Variants in DGKI observed in about 807,000 individuals in gnomAD.
The protein encoded by DGKI is DAG kinase iota.
A neutral mutation model predicts 147.5 loss-of-function variants in DGKI; 55 were observed. The observed-to-expected ratio is 0.37, with a 90% confidence interval of 0.30 to 0.47. The LOEUF is 0.47. DGKI is among the 20% of genes least tolerant of loss of function. The pLI, the probability that DGKI is intolerant of heterozygous loss-of-function variation, is 1.00. For missense variants in DGKI, 1,007 were observed against 1,323.8 expected, an observed-to-expected ratio of 0.76 and a Z score of 3.71; for synonymous variants, 469 against 477.1, an observed-to-expected ratio of 0.98 and a Z score of 0.22.
chr7:137,668,136 A>G (rs2116332711), intron 3 of DGKI, among the ~76,000 whole-genome samples: 1 of 152,284 alleles, frequency 6.6e-6, no homozygotes, highest in Admixed American at 6.5e-5. Context: ...AACCTGGGGG[A>G]CCAAGACTGA....
At chr7:137,460,039 T>G (rs1814372015) in intron 27 of DGKI, among the ~76,000 whole-genome samples, 1 of 152,216 alleles carries the variant, frequency 6.6e-6, no homozygotes, top group South Asian at 2.1e-4. Flanking sequence ...AATTGAAAGT[T>G]TCTCTTTTGA....
chr7:137,384,584 C>A lies in DGKI; in HGVS notation c.*6636G>T, dbSNP rs1341134418. 1 of 152,034 alleles carries A rather than the reference C, an allele frequency of 6.6e-6. No homozygotes were observed. The highest frequency in any genetic ancestry group is 1.5e-5 in the Non-Finnish European group (1 of 67,966). 9.4% of individuals were successfully genotyped at this position (152,034 alleles called of 1,614,324 possible). ...GAATCTGCACAGGCTGAATTCACTGCTCTGAGATTCAGTGCATTCATCTAA... is the reference window on the plus strand; with the variant it reads ...GAATCTGCACAGGCTGAATTCACTGATCTGAGATTCAGTGCATTCATCTAA... On this transcript the variant is annotated 3_prime_UTR_variant, in exon 33 of 33. Coordinates refer to ENST00000614521, the MANE Select transcript of DGKI (RefSeq NM_001321708.2).
intron 8 of DGKI, among the ~76,000 whole-genome samples, chr7:137,615,847 A>C (rs1365858761): frequency 6.6e-6 from 1 of 152,112 alleles, no homozygotes; most frequent in African/African-American, 2.4e-5. Flanking sequence ...TTTCAATAGA[A>C]GAGTTTAATT....
At chr7:137,515,674 A>G (rs1455106096) in intron 21 of DGKI, among the ~76,000 whole-genome samples, 4 of 152,152 alleles carry the variant, frequency 2.6e-5, no homozygotes, top group Non-Finnish European at 5.9e-5. Flanking sequence ...AGCCCCTTAG[A>G]CTGTCTGAGT....
intron 29 of DGKI, among the ~76,000 whole-genome samples, chr7:137,411,205 G>A (rs1248480242): frequency 6.6e-6 from 1 of 152,212 alleles, no homozygotes; most frequent in Non-Finnish European, 1.5e-5. Context: ...CCTTCAGGCA[G>A]CTGTCATTAA....
At chr7:137,641,882 G>C (rs2129006861) in intron 6 of DGKI, among the ~76,000 whole-genome samples, 1 of 152,316 alleles carries the variant, frequency 6.6e-6, no homozygotes, top group Admixed American at 6.5e-5. Flanking sequence ...ATAATGCTAG[G>C]TTTGGATGTT....
At chr7:137,665,404 C>A (rs1822599948) in intron 3 of DGKI, among the ~76,000 whole-genome samples, 1 of 152,162 alleles carries the variant, frequency 6.6e-6, no homozygotes, top group Non-Finnish European at 1.5e-5. Flanking sequence ...GGGCTTCAAT[C>A]CTACCCCTTG....
chr7:137,627,290 A>C (rs775571946), intron 6 of DGKI, among the ~76,000 whole-genome samples: 2 of 152,158 alleles, frequency 1.3e-5, no homozygotes, highest in Non-Finnish European at 2.9e-5. Flanking sequence ...TAGCTGCCCT[A>C]TGTGGCTGGT....
chr7:137,689,853 A>T, intron 2 of DGKI, 41 bp downstream of exon 2: 1 of 1,322,308 alleles, frequency 7.6e-7, no homozygotes, highest in East Asian at 2.6e-5. Flanking sequence ...GACACAAAAC[A>T]TGCACTGAAG....
In DGKI at chr7:137,745,781, GA is replaced by G. The variant is rs756057426; in HGVS notation, c.402-55780del. 7.8e-4 allele frequency among the ~76,000 whole-genome samples: 117 copies of G among 150,692 alleles called. 6 individuals are homozygous for G. The highest frequency in any genetic ancestry group is 1.7e-3 in the South Asian group (8 of 4,748). On this transcript the variant is annotated intron_variant, in intron 1 of 32. Coordinates refer to ENST00000614521, the MANE Select transcript of DGKI (RefSeq NM_001321708.2). ...GAGAGTTCTCAGCTTAAAAAGGATA[GA>G]AAAAAAAACATATGCTGAGGTTACT...
chr7:137,782,321 C>T (rs911050390), intron 1 of DGKI, among the ~76,000 whole-genome samples: 1 of 152,006 alleles, frequency 6.6e-6, no homozygotes, highest in Non-Finnish European at 1.5e-5. Context: ...CCTGTGACTC[C>T]CCGCTTTCCC....
In DGKI at chr7:137,585,294, G is replaced by A. The variant is rs1285350447; in HGVS notation, c.1478C>T (p.Thr493Ile). 1.2e-6 allele frequency: 2 copies of A among 1,614,004 alleles called. No homozygotes were observed. Among genetic ancestry groups the A allele is most frequent in the African/African-American group, 1.3e-5 (1 of 74,878 alleles). ...SKILCQVEDG[T>I]VVQLDRWNLH... ...GTTCCAGCGATCTAGCTGTACAACT[G>A]TCCCATCTTCCACTTGACACAGGAT... Residue 493 changes from threonine to isoleucine, a missense_variant, in exon 14 of 33, where the codon ACA (threonine) becomes ATA (isoleucine). Transcript: ENST00000614521.
rs572398415 is a variant in DGKI at position 137,441,005 on chromosome 7, G to A, written c.2761+3072C>T. On this transcript the variant is annotated intron_variant, in intron 28 of 32. Transcript: ENST00000614521. ...ATGAAAAAAACGGTTATTCTCTCCC[G>A]TCCTCTTTAAACTTTTCAAGGGCGG... Among the ~76,000 whole-genome samples, 9 of 152,184 alleles carry A rather than the reference G, an allele frequency of 5.9e-5. No homozygotes were observed. In the East Asian group the frequency reaches 9.7e-4, roughly 16 times the overall value.
chr7:137,466,877 A>C (rs779139175), intron 25 of DGKI, 25 bp downstream of exon 25: 1 of 1,613,384 alleles, frequency 6.2e-7, no homozygotes, highest in South Asian at 1.1e-5. Flanking sequence ...TTTCACTTTC[A>C]CAAGCAGGCT....
chr7:137,691,798 GTTTT>G (rs796902464), intron 1 of DGKI, among the ~76,000 whole-genome samples: 8 of 95,814 alleles, frequency 8.3e-5, no homozygotes, highest in African/African-American at 2.7e-4. Context: ...AGACCTTTGG[GTTTT>G]TTTTTTTTTT....
At chr7:137,468,603 C>T (rs1814752698) in intron 24 of DGKI, among the ~76,000 whole-genome samples, 2 of 152,136 alleles carry the variant, frequency 1.3e-5, no homozygotes, top group South Asian at 4.1e-4. Context: ...CTTCATAACA[C>T]TAGAAAAATA....
Position 137,517,415 on chromosome 7 carries a change from G to T in DGKI, c.2248+4451C>A, listed in dbSNP as rs573245903. On this transcript the variant is annotated intron_variant, in intron 21 of 32. Transcript: ENST00000614521. ...AGGGAGAAAGAGAGAGAAAGAGAGA[G>T]AAAGAAAGAAAGATAAAAAAAGAAA... Among the ~76,000 whole-genome samples the T allele has an allele frequency of 2.0e-3, 307 of 151,044 alleles. 3 individuals carry two copies. Among genetic ancestry groups the T allele is most frequent in the African/African-American group, 7.1e-3 (293 of 41,012 alleles).
chr7:137,688,045 A>G (rs1255946112), intron 2 of DGKI, among the ~76,000 whole-genome samples: 2 of 152,240 alleles, frequency 1.3e-5, no homozygotes, highest in Non-Finnish European at 2.9e-5. Context: ...ATCAGAAAAT[A>G]ATACCTTGTG....
intron 21 of DGKI, among the ~76,000 whole-genome samples, chr7:137,503,809 T>C (rs1483254338): frequency 6.6e-6 from 1 of 152,174 alleles, no homozygotes; most frequent in Non-Finnish European, 1.5e-5. Context: ...GATTAAGTCC[T>C]ACCTATAAAA....
Sources: gnomAD v4.1 joint callset for allele counts (sites outside exome capture counted in the v4.1 genomes callset) on GRCh38, gnomAD v4.1.1 for gene constraint, MANE v1.5 for transcripts, NCBI Gene and HGNC (gene_info 2026-07-23, HGNC 2026-07-21) for gene names.